The following ZBTB20 variants were observed in gnomAD, a reference collection of about 807,000 sequenced individuals.
ZBTB20 encodes the protein zinc finger and BTB domain containing 20.
In ZBTB20, 9 loss-of-function variants were observed where a neutral mutation model predicts 56.9. The ratio of observed to expected loss-of-function variants is 0.16; its 90% confidence interval spans 0.10 to 0.28. The LOEUF (loss-of-function observed/expected upper bound fraction) is 0.28, where lower values mean the gene tolerates loss of function less well. Among genes scored for constraint, ZBTB20 ranks in the 10% least tolerant of loss-of-function variants. The pLI is 1.00. For synonymous variants in ZBTB20, 417 were observed against 420.7 expected, an observed-to-expected ratio of 0.99 and a Z score of 0.11; for missense variants, 655 against 1,003.0, an observed-to-expected ratio of 0.65 and a Z score of 4.69.
chr3:114,545,775 C>T (rs543614166), intron 6 of ZBTB20, among the ~76,000 whole-genome samples: 2 of 152,258 alleles, frequency 1.3e-5, no homozygotes, highest in African/African-American at 4.8e-5. Flanking sequence ...CTTCATAAAA[C>T]AGTTCTTTAA....
intron 6 of ZBTB20, among the ~76,000 whole-genome samples, chr3:114,512,335 C>A (rs2045500733): frequency 6.6e-6 from 1 of 152,098 alleles, no homozygotes; most frequent in East Asian, 1.9e-4. Context: ...ACCATGCATT[C>A]ATTCATTAAT....
intron 6 of ZBTB20, among the ~76,000 whole-genome samples, chr3:114,674,397 TGTG>T (rs1474269683): frequency 6.6e-6 from 1 of 152,314 alleles, no homozygotes; most frequent in East Asian, 1.9e-4. Context: ...ACAAAATAGT[TGTG>T]GTGCATATGT....
chr3:114,594,246 C>G (rs1449158079), intron 6 of ZBTB20, among the ~76,000 whole-genome samples: 1 of 150,518 alleles, frequency 6.6e-6, no homozygotes, highest in African/African-American at 2.4e-5. Context: ...GATCTACAAG[C>G]AAACATAATT....
chr3:114,643,108 T>C (rs1056902246), intron 6 of ZBTB20, among the ~76,000 whole-genome samples: 2 of 152,112 alleles, frequency 1.3e-5, no homozygotes, highest in African/African-American at 4.8e-5. Flanking sequence ...AAAATAAATA[T>C]GCTAAACTCT....
intron 6 of ZBTB20, among the ~76,000 whole-genome samples, chr3:114,611,105 G>A (rs1443423316): frequency 4.6e-5 from 7 of 152,114 alleles, no homozygotes; most frequent in African/African-American, 1.7e-4. Context: ...ACTATCTCAA[G>A]CATATAACAT....
At chr3:114,860,287 C>G (rs1160267125) in intron 4 of ZBTB20, among the ~76,000 whole-genome samples, 2 of 141,312 alleles carry the variant, frequency 1.4e-5, no homozygotes, top group Admixed American at 1.5e-4. Context: ...AGCCTGACAA[C>G]AGAGCAAGAC....
chr3:114,332,506 G>C lies in ZBTB20; in HGVS notation c.*6499C>G, dbSNP rs2079299023. 1 of 152,176 alleles carries C rather than the reference G, an allele frequency of 6.6e-6. No individual in the cohort carries two copies. Among genetic ancestry groups the C allele is most frequent in the Non-Finnish European group, 1.5e-5 (1 of 68,030 alleles). The allele number at this position is 152,176 out of a possible 1,614,324, so 9.4% of individuals were successfully genotyped here. On this transcript the variant is annotated 3_prime_UTR_variant, in exon 12 of 12. Transcript: ENST00000675478. ...AGCCCCAACCTACGTCACTGAAATA[G>C]AATAGGAAATAGCAGCCACTATCTG...
chr3:115,026,066 T>A (rs906895927), intron 2 of ZBTB20, among the ~76,000 whole-genome samples: 3 of 151,046 alleles, frequency 2.0e-5, no homozygotes, highest in African/African-American at 7.3e-5. Flanking sequence ...CAGGTATATG[T>A]CTACACATCT....
intron 2 of ZBTB20, among the ~76,000 whole-genome samples, chr3:115,019,596 C>T (rs2080123099): frequency 6.6e-6 from 1 of 151,228 alleles, no homozygotes; most frequent in Admixed American, 6.6e-5. Flanking sequence ...TTAGTCTTTG[C>T]TGTACCTAGG....
chr3:114,826,865 A>T (rs1216200753), intron 4 of ZBTB20, among the ~76,000 whole-genome samples: 1 of 151,728 alleles, frequency 6.6e-6, no homozygotes, highest in Non-Finnish European at 1.5e-5. Context: ...AAAACTAATA[A>T]GAATAAAATT....
At position 114,323,270 on chromosome 3, in the gene ZBTB20, T is replaced by C. The variant is rs908807528; in HGVS notation, c.*15735A>G. 3 of 152,230 alleles carry C rather than the reference T, an allele frequency of 2.0e-5. No homozygotes were observed. Among genetic ancestry groups the C allele is most frequent in the African/African-American group, 7.2e-5 (3 of 41,464 alleles). 9.4% of individuals were successfully genotyped at this position (152,230 alleles called of 1,614,324 possible). Reference sequence around the variant, plus strand: ...TCTTCTGCTTAGTAAGGATAGTCTATGATGGAGCAGCTAGTATGTTCTAAT... The same window carrying C: ...TCTTCTGCTTAGTAAGGATAGTCTACGATGGAGCAGCTAGTATGTTCTAAT... On this transcript the variant is annotated 3_prime_UTR_variant, in exon 12 of 12. Transcript: ENST00000675478.
intron 7 of ZBTB20, among the ~76,000 whole-genome samples, chr3:114,466,318 A>G (rs1387889460): frequency 1.3e-5 from 2 of 152,220 alleles, no homozygotes. Context: ...AGGCATCATT[A>G]TTATTATCAT....
At chr3:114,498,909 G>A (rs1024295538) in intron 7 of ZBTB20, among the ~76,000 whole-genome samples, 1 of 152,192 alleles carries the variant, frequency 6.6e-6, no homozygotes, top group Non-Finnish European at 1.5e-5. Context: ...CACAATAGCT[G>A]AGCCGTGCGG....
intron 6 of ZBTB20, among the ~76,000 whole-genome samples, chr3:114,578,890 T>C (rs2054361911): frequency 6.6e-6 from 1 of 151,724 alleles, no homozygotes; most frequent in Admixed American, 6.6e-5. Context: ...TAAATATAAT[T>C]AAGCATTGAT....
intron 6 of ZBTB20, among the ~76,000 whole-genome samples, chr3:114,619,497 G>T (rs184324980): frequency 7.4e-4 from 111 of 149,454 alleles, no homozygotes; most frequent in African/African-American, 2.5e-3. Context: ...AATATTTTGG[G>T]TTTTTTTTTT....
chr3:114,378,854 A>T (rs933679441), intron 10 of ZBTB20: 3 of 152,272 alleles, frequency 2.0e-5, no homozygotes, highest in African/African-American at 7.2e-5. Context: ...GACGGTCCTC[A>T]GAACACAGTC....
chr3:114,852,301 T>C (rs1242767486), intron 4 of ZBTB20, among the ~76,000 whole-genome samples: 1 of 152,176 alleles, frequency 6.6e-6, no homozygotes, highest in Non-Finnish European at 1.5e-5. Context: ...TCTTGCTCTG[T>C]TGCCCTAGCT....
chr3:114,457,959 CAGTAATAATCTGTG>C (rs2092120331), intron 7 of ZBTB20, among the ~76,000 whole-genome samples: 2 of 152,130 alleles, frequency 1.3e-5, no homozygotes, highest in African/African-American at 4.8e-5. Flanking sequence ...CATTGGAGAT[CAGTAATAATCTGTG>C]CAAAACCACT....
intron 5 of ZBTB20, chr3:114,792,111 C>T (rs1179034459): frequency 1.3e-5 from 2 of 152,204 alleles, no homozygotes; most frequent in African/African-American, 4.8e-5. Flanking sequence ...GATTGCTTCT[C>T]ATCAGTCTTG....
Sources: gnomAD v4.1 joint callset for allele counts (sites outside exome capture counted in the v4.1 genomes callset) on GRCh38, gnomAD v4.1.1 for gene constraint, MANE v1.5 for transcripts, NCBI Gene and HGNC (gene_info 2026-07-23, HGNC 2026-07-21) for gene names.